Variants in ABCA13 observed in about 807,000 individuals in gnomAD.
ABCA13 encodes ATP-binding cassette sub-family A member 13.
Under a neutral mutation model 478.7 loss-of-function variants are expected in ABCA13, and 476 were observed. The ratio of observed to expected loss-of-function variants is 0.99; its 90% CI spans 0.92 to 1.07. The LOEUF (loss-of-function observed/expected upper bound fraction) is 1.07, where lower values mean the gene tolerates loss of function less well. Ranked by LOEUF, ABCA13 falls within the 50% of genes least tolerant of loss-of-function variation. The pLI is 0.00. For missense variants in ABCA13, 6,060 were observed against 5,910.6 expected, an observed-to-expected ratio of 1.03 and a Z score of -0.83; for synonymous variants, 2,252 against 2,158.9, an observed-to-expected ratio of 1.04 and a Z score of -1.20.
chr7:48,503,489 T>C (rs1026196341), intron 48 of ABCA13, among the ~76,000 whole-genome samples: 8 of 152,348 alleles, frequency 5.3e-5, no homozygotes, highest in African/African-American at 1.9e-4. Context: ...TCTCTCTTTC[T>C]GTGAATTTGA....
At chr7:48,327,679 T>C (rs1804548743) in intron 27 of ABCA13, among the ~76,000 whole-genome samples, 1 of 152,216 alleles carries the variant, frequency 6.6e-6, no homozygotes, top group South Asian at 2.1e-4. Flanking sequence ...CTGCAGCCAA[T>C]TTATTTTCAT....
intron 10 of ABCA13, among the ~76,000 whole-genome samples, chr7:48,244,359 A>G (rs1030174570): frequency 1.3e-5 from 2 of 152,172 alleles, no homozygotes; most frequent in African/African-American, 4.8e-5. Flanking sequence ...GGGTAAAGAG[A>G]ATGTTTAATC....
chr7:48,643,927 G>A (rs1014982532), intron 60 of ABCA13, among the ~76,000 whole-genome samples: 1 of 152,162 alleles, frequency 6.6e-6, no homozygotes, highest in African/African-American at 2.4e-5. Context: ...ATTTTAACAA[G>A]GTGACCCGGA....
intron 55 of ABCA13, among the ~76,000 whole-genome samples, chr7:48,561,679 A>G (rs1273850777): frequency 1.3e-5 from 2 of 152,162 alleles, no homozygotes; most frequent in Admixed American, 1.3e-4. Flanking sequence ...CTCCCAATCC[A>G]TAGATTGTCT....
intron 54 of ABCA13, among the ~76,000 whole-genome samples, chr7:48,525,614 A>G (rs1422879941): frequency 3.4e-5 from 5 of 149,178 alleles, no homozygotes; most frequent in Non-Finnish European, 5.9e-5. Flanking sequence ...GTATGACCCA[A>G]TTAATGCTAT....
chr7:48,296,000 A>C (rs972948271), intron 21 of ABCA13, 137 bp downstream of exon 21: 11 of 1,153,702 alleles, frequency 9.5e-6, no homozygotes, highest in Non-Finnish European at 1.3e-5. Context: ...TATATTTTCC[A>C]AACATCAAAG....
intron 55 of ABCA13, among the ~76,000 whole-genome samples, chr7:48,561,214 G>C (rs530048860): frequency 6.6e-6 from 1 of 152,178 alleles, no homozygotes; most frequent in East Asian, 1.9e-4. Flanking sequence ...TGGGACTACA[G>C]CTAACTCTTC....
intron 42 of ABCA13, among the ~76,000 whole-genome samples, chr7:48,429,529 AATGATGTTGAAT>A (rs1821862668): frequency 6.6e-6 from 1 of 152,192 alleles, no homozygotes; most frequent in Admixed American, 6.5e-5. Flanking sequence ...ACTGGTGGCT[AATGATGTTGAAT>A]ATCTTTTCAT....
chr7:48,267,212 A>G (rs111411551), intron 15 of ABCA13, among the ~76,000 whole-genome samples: 2,182 of 152,198 alleles, frequency 0.014, 21 homozygotes, highest in Middle Eastern at 0.055. Flanking sequence ...ATAGTATTGT[A>G]CAAATCTTCT....
At chr7:48,573,815 G>A (rs540344579) in intron 55 of ABCA13, among the ~76,000 whole-genome samples, 1 of 152,134 alleles carries the variant, frequency 6.6e-6, no homozygotes, top group Admixed American at 6.6e-5. Flanking sequence ...TGGTTCTAGA[G>A]GCTTGAACTC....
chr7:48,388,905 A>C lies in ABCA13; in HGVS notation c.11474-135A>C, dbSNP rs1006603294. The C allele has an allele frequency of 1.9e-5, 19 of 998,338 alleles. No homozygotes were observed. In the African/African-American group the frequency reaches 2.5e-4, roughly 13 times the overall value. 61.8% of individuals were successfully genotyped at this position (998,338 alleles called of 1,614,324 possible). On this transcript the variant is annotated intron_variant, in intron 36 of 61. Coordinates refer to ENST00000435803, the MANE Select transcript of ABCA13 (RefSeq NM_152701.5). The stretch of plus-strand genomic sequence containing the variant: ...GTCTGCTTCTTGTTCTTGCTAAAGA[A>C]AGATTTTTGAGTTGATTTGTGTGCT...
chr7:48,257,915 C>T (rs1168694680), intron 15 of ABCA13, among the ~76,000 whole-genome samples: 1 of 151,720 alleles, frequency 6.6e-6, no homozygotes, highest in Non-Finnish European at 1.5e-5. Flanking sequence ...GTAGAATTCA[C>T]CTGTTGCTTA....
intron 53 of ABCA13, among the ~76,000 whole-genome samples, chr7:48,523,925 T>C (rs1832722593): frequency 6.6e-6 from 1 of 152,200 alleles, no homozygotes; most frequent in Non-Finnish European, 1.5e-5. Context: ...CTTATAATAA[T>C]TTTGTGATAA....
At chr7:48,442,236 C>T (rs1823711398) in intron 42 of ABCA13, among the ~76,000 whole-genome samples, 1 of 152,004 alleles carries the variant, frequency 6.6e-6, no homozygotes, top group Admixed American at 6.6e-5. Flanking sequence ...ATTATGACTT[C>T]CCCAAGTTGT....
intron 42 of ABCA13, 42 bp downstream of exon 42, chr7:48,427,913 A>G (rs939368253): frequency 7.6e-7 from 1 of 1,320,472 alleles, no homozygotes; most frequent in African/African-American, 1.5e-5. Context: ...TGGAGGAACA[A>G]TGACACCAGC....
At chr7:48,323,305 C>G (rs549641216) in intron 27 of ABCA13, among the ~76,000 whole-genome samples, 1 of 152,340 alleles carries the variant, frequency 6.6e-6, no homozygotes, top group Admixed American at 6.5e-5. Context: ...GGAATACCTT[C>G]AGCAGTGGCT....
intron 15 of ABCA13, among the ~76,000 whole-genome samples, chr7:48,263,611 A>G (rs908138898): frequency 3.9e-5 from 6 of 151,930 alleles, no homozygotes; most frequent in Non-Finnish European, 7.4e-5. Context: ...TCGTAGGCAC[A>G]TGCAATTAAT....
chr7:48,583,206 G>A (rs6946184), intron 56 of ABCA13, among the ~76,000 whole-genome samples: 1 of 152,058 alleles, frequency 6.6e-6, no homozygotes, highest in Non-Finnish European at 1.5e-5. Context: ...CTTATCTTCT[G>A]TAAAGACATG....
rs1264544099 is a variant in ABCA13 at position 48,248,277 on chromosome 7, T to C, written c.1698T>C (p.Asn566=). ...AAGAGGTCATTACTTGGCACAAAAATATGTCAGTTTTAATACCTGAAGAAT... is the reference window on the plus strand; with the variant it reads ...AAGAGGTCATTACTTGGCACAAAAACATGTCAGTTTTAATACCTGAAGAAT... ...ILQEVITWHK[N]MSVLIPEEYL... The change falls in exon 14 of 62, where the codon AAT becomes AAC. Residue 566 remains asparagine, a synonymous_variant. Transcript: ENST00000435803. 6.2e-7 allele frequency: 1 copy of C among 1,613,820 alleles called. No homozygotes were observed. Among genetic ancestry groups the C allele is most frequent in the East Asian group, 2.2e-5 (1 of 44,878 alleles).
Sources: gnomAD v4.1 joint callset for allele counts (sites outside exome capture counted in the v4.1 genomes callset) on GRCh38, gnomAD v4.1.1 for gene constraint, MANE v1.5 for transcripts, NCBI Gene and HGNC (gene_info 2026-07-23, HGNC 2026-07-21) for gene names.